Variants in TOP2B observed in about 807,000 individuals in gnomAD.
The protein encoded by TOP2B is DNA topoisomerase 2-beta.
Under a neutral mutation model 193.5 loss-of-function variants are expected in TOP2B, and 51 were observed. That is an observed-to-expected ratio of 0.26 (90% confidence interval 0.21 to 0.33). TOP2B has a LOEUF of 0.33. Ranked by LOEUF, TOP2B falls within the 10% of genes least tolerant of loss-of-function variation. TOP2B has a pLI of 1.00. For synonymous variants in TOP2B, 634 were observed against 635.7 expected, an observed-to-expected ratio of 1.00 and a Z score of 0.04; for missense variants, 1,378 against 1,909.3, an observed-to-expected ratio of 0.72 and a Z score of 5.19.
chr3:25,627,039 A>C, intron 16 of TOP2B, 148 bp downstream of exon 16: 1 of 702,148 alleles, frequency 1.4e-6, no homozygotes, highest in Non-Finnish European at 2.4e-6. Context: ...AGAAGTTTAT[A>C]CAAGCACAGC....
intron 1 of TOP2B, among the ~76,000 whole-genome samples, chr3:25,658,313 CTTG>C (rs1033396184): frequency 1.1e-4 from 16 of 151,654 alleles, no homozygotes; most frequent in African/African-American, 2.9e-4. Context: ...CGATTGAAAA[CTTG>C]TTAAGTTTAT....
rs1559503671 is a variant in TOP2B at position 25,637,306 on chromosome 3, C to T, written c.548G>A (p.Arg183His). ...ACAAAGTTTTGCACCATAACCATTA[C>T]GACCACCTGTAAGAAAAATTAAATG... is the stretch of plus-strand genomic sequence containing the variant. ...DDDEKKVTGG[R>H]NGYGAKLCNI... Residue 183 changes from arginine to histidine, a missense_variant, in exon 6 of 36, where the codon CGT becomes CAT. This residue lies in a region of TOP2B where 222 missense variants were observed against 306.6 expected (regional missense o/e 0.72). Transcript: ENST00000264331. 3 of 1,549,584 alleles carry T rather than the reference C, an allele frequency of 1.9e-6. No individual in the cohort carries two copies. Among genetic ancestry groups the T allele is most frequent in the Non-Finnish European group, 2.6e-6 (3 of 1,145,842 alleles).
chr3:25,604,225 C>G (rs936585206), intron 33 of TOP2B, among the ~76,000 whole-genome samples: 1 of 152,032 alleles, frequency 6.6e-6, no homozygotes, highest in African/African-American at 2.4e-5. Flanking sequence ...TAAGTGTCAT[C>G]CTTCAAACAC....
At chr3:25,623,339 C>T (rs1561033) in intron 21 of TOP2B, among the ~76,000 whole-genome samples, 176 bp downstream of exon 21, 9,084 of 152,236 alleles carry the variant, frequency 0.06, 374 homozygotes, top group Admixed American at 0.1. Flanking sequence ...CTCCAAAACT[C>T]ATTCCAAAGT....
At chr3:25,599,751 A>G (rs1022416659) in intron 34 of TOP2B, among the ~76,000 whole-genome samples, 1 of 152,258 alleles carries the variant, frequency 6.6e-6, no homozygotes, top group Non-Finnish European at 1.5e-5. Flanking sequence ...CTAGTGGGAA[A>G]GTCCCAAAGA....
rs1702408282 is a variant in TOP2B, at chr3:25,612,735, G to A, written c.3592-26C>T. On this transcript the variant is annotated intron_variant, in intron 27 of 35. Transcript: ENST00000264331. ...CTAAAGTATAATCATAAGGCAGAAG[G>A]AACATAAACAACTTCTTAGAAAAGA... The A allele has an allele frequency of 2.6e-6, 4 of 1,564,268 alleles. No individual in the cohort carries two copies. In the East Asian group the frequency reaches 9.0e-5, roughly 35 times the overall value.
At chr3:25,644,962 A>ATT (rs112922438) in intron 2 of TOP2B, among the ~76,000 whole-genome samples, 19,046 of 144,620 alleles carry the variant, frequency 0.13, 1,519 homozygotes, top group East Asian at 0.19. Context: ...CACCCAGAAA[A>ATT]TTTTTTTTTT....
At chr3:25,602,408 AAG>A (rs1459492308) in intron 33 of TOP2B, among the ~76,000 whole-genome samples, 6 of 116,740 alleles carry the variant, frequency 5.1e-5, no homozygotes, top group Non-Finnish European at 6.4e-5. Context: ...AAAAAAAAAA[AAG>A]AAAAAGAAAA....
At chr3:25,602,001 T>A (rs1438080719) in intron 33 of TOP2B, among the ~76,000 whole-genome samples, 5 of 152,150 alleles carry the variant, frequency 3.3e-5, no homozygotes, top group African/African-American at 9.7e-5. Flanking sequence ...GAAAGAAATA[T>A]AAAATCCTAG....
At chr3:25,650,364 T>C (rs1054072089) in intron 1 of TOP2B, among the ~76,000 whole-genome samples, 6 of 152,242 alleles carry the variant, frequency 3.9e-5, no homozygotes, top group African/African-American at 1.4e-4. Context: ...GCTCTTGACC[T>C]GTCTGCTTTC....
At chr3:25,618,599 TA>T (rs1702573718) in intron 24 of TOP2B, 54 bp downstream of exon 24, 2 of 1,521,036 alleles carry the variant, frequency 1.3e-6, no homozygotes, top group Admixed American at 2.2e-5. Flanking sequence ...CTTCTATTAA[TA>T]AAGTTTTTTT....
At chr3:25,649,457 C>CA (rs2125401696) in intron 1 of TOP2B, among the ~76,000 whole-genome samples, 1 of 151,882 alleles carries the variant, frequency 6.6e-6, no homozygotes, top group Non-Finnish European at 1.5e-5. Flanking sequence ...ATTATACTGT[C>CA]AAAAGTCATA....
chr3:25,599,350 G>A, intron 35 of TOP2B, 85 bp downstream of exon 35: 1 of 1,282,714 alleles, frequency 7.8e-7, no homozygotes, highest in South Asian at 1.4e-5. Flanking sequence ...AGCTGTTCCA[G>A]GACTATAGTC....
At chr3:25,635,902 AC>A (rs780122112) in intron 7 of TOP2B, 33 bp downstream of exon 7, 37 of 1,561,900 alleles carry the variant, frequency 2.4e-5, no homozygotes, top group Admixed American at 5.2e-5. Flanking sequence ...CTATAAAATA[AC>A]ATAGTATTAA....
intron 17 of TOP2B, 33 bp downstream of exon 17, chr3:25,626,736 CCTT>C (rs777564810): frequency 1.9e-6 from 3 of 1,555,204 alleles, no homozygotes; most frequent in Non-Finnish European, 1.8e-6. Context: ...GTCTCTCTCT[CCTT>C]CTTTCCCCAG....
Position 25,604,809 on chromosome 3 carries a change from A to T in TOP2B, c.4440T>A (p.Gly1480=). Residue 1480 remains glycine (G), a synonymous_variant, in exon 33 of 36, where the codon GGT becomes GGA. Transcript: ENST00000264331. ...DSASVFSPSF[G]LKQTDKVPSK... is the part of the protein sequence containing the mutation. ...TTGGAACTTTATCTGTCTGTTTCAG[A>T]CCAAATGATGGTGAAAAAACAGAAG... is the stretch of plus-strand genomic sequence containing the variant. 1 of 1,613,054 alleles carries T rather than the reference A, an allele frequency of 6.2e-7. No homozygotes were observed. Among genetic ancestry groups the T allele is most frequent in the South Asian group, 1.1e-5 (1 of 91,040 alleles).
In TOP2B at chr3:25,619,929, G is replaced by A; in HGVS notation, c.2996C>T (p.Ala999Val). ...ATGCAGTCCAGCAGCTTCTGCTTGT[G>A]CTAGTTTCTCTTCAGTCATTTTCAC... ...FVVKMTEEKL[A>V]QAEAAGLHKV... Residue 999 changes from alanine (A) to valine (V), a missense_variant, in exon 23 of 36, where the codon GCA (alanine) becomes GTA (valine). This residue lies in a region of TOP2B where 379 missense variants were observed against 615.1 expected (regional missense o/e 0.62). Transcript: ENST00000264331. 1 of 1,613,198 alleles carries A rather than the reference G, an allele frequency of 6.2e-7. No homozygotes were observed. Among genetic ancestry groups the A allele is most frequent in the Non-Finnish European group, 8.5e-7 (1 of 1,179,668 alleles).
At chr3:25,632,974 T>TTG (rs1425592743) in intron 8 of TOP2B, among the ~76,000 whole-genome samples, 180 bp from the exon 9 acceptor site, 1 of 151,340 alleles carries the variant, frequency 6.6e-6, no homozygotes, top group Non-Finnish European at 1.5e-5. Context: ...TGTGTTTTTT[T>TTG]TGTTTGTTTG....
rs772249158 is a variant in TOP2B at position 25,618,757 on chromosome 3, A to G, written c.3156T>C (p.Gly1052=). 6.2e-7 allele frequency: 1 copy of G among 1,613,456 alleles called. No homozygotes were observed. The highest frequency in any genetic ancestry group is 1.1e-5 in the South Asian group (1 of 91,028). ...EFFDLRLSYY[G]LRKEWLVGML... is the part of the protein sequence containing the mutation. ...TTCCCACAAGCCACTCCTTACGTAA[A>G]CCGTAATAACTTAATCGTAAATCAA... The change falls in exon 24 of 36, where the codon GGT becomes GGC. Residue 1052 remains glycine (G), a synonymous_variant. Transcript: ENST00000264331.
Sources: allele counts gnomAD v4.1 joint callset (sites outside exome capture counted in the v4.1 genomes callset), GRCh38; gene constraint gnomAD v4.1.1; regional missense constraint gnomAD v4.1.1; transcripts MANE v1.5; gene names NCBI Gene and HGNC (gene_info 2026-07-23, HGNC 2026-07-21).